Variants in ANOS1 observed in about 807,000 individuals in gnomAD.
ANOS1 encodes the protein anosmin 1.
Under a neutral mutation model 59.0 loss-of-function variants are expected in ANOS1, and 6 were observed. The ratio of observed to expected loss-of-function variants is 0.10; its 90% CI spans 0.06 to 0.20. The LOEUF is 0.20. Ranked by LOEUF, ANOS1 falls within the 10% of genes least tolerant of loss-of-function variation. The pLI is 1.00. For missense variants in ANOS1, 433 were observed against 542.3 expected (o/e 0.80, Z 2.00); for synonymous variants, 217 against 223.4 (o/e 0.97, Z 0.25).
chrX:8,687,623 C>T (rs1474385541), intron 2 of ANOS1, among the ~76,000 whole-genome samples: 1 of 109,672 alleles, frequency 9.1e-6, no homozygotes, highest in East Asian at 2.9e-4. Flanking sequence ...CACACACACA[C>T]ACACACTGAT....
At chrX:8,549,881 G>A (rs113162170) in intron 9 of ANOS1, among the ~76,000 whole-genome samples, 1,799 of 112,061 alleles carry the variant, frequency 0.016, 40 homozygotes, top group African/African-American at 0.056. Context: ...AACTTTGCAA[G>A]TAAGAAGAGT....
At chrX:8,648,115 GTAGTGGAAAACAATTTA>G (rs1385434320) in intron 2 of ANOS1, among the ~76,000 whole-genome samples, 15 of 112,031 alleles carry the variant, frequency 1.3e-4, no homozygotes, top group African/African-American at 3.9e-4. Flanking sequence ...ACTAATCTTC[GTAGTGGAAAACAATTTA>G]TATGCCTCCA....
intron 8 of ANOS1, among the ~76,000 whole-genome samples, chrX:8,559,733 CCTT>C (rs1930003934): frequency 8.9e-6 from 1 of 112,196 alleles, no homozygotes; most frequent in South Asian, 3.7e-4. Context: ...TTTCTGTCAA[CCTT>C]CTTTGCCCAT....
intron 3 of ANOS1, among the ~76,000 whole-genome samples, chrX:8,617,907 T>A (rs1323941225): frequency 3.6e-5 from 4 of 111,949 alleles, no homozygotes; most frequent in Non-Finnish European, 7.5e-5. Flanking sequence ...CATCTTTTAT[T>A]CCCTGATGAG....
intron 7 of ANOS1, among the ~76,000 whole-genome samples, chrX:8,569,558 C>G (rs942627774): frequency 6.3e-5 from 7 of 111,747 alleles, no homozygotes; most frequent in Non-Finnish European, 1.1e-4. Flanking sequence ...AGGAGAATGG[C>G]GTGAACCCGG....
chrX:8,688,275 C>A, intron 2 of ANOS1, among the ~76,000 whole-genome samples: 1 of 111,910 alleles, frequency 8.9e-6, no homozygotes, highest in Admixed American at 9.5e-5. Context: ...ATATAAGGGT[C>A]CCCAAACTTC....
At chrX:8,685,652 GA>G (rs1268823896) in intron 2 of ANOS1, among the ~76,000 whole-genome samples, 1 of 97,360 alleles carries the variant, frequency 1.0e-5, no homozygotes, top group Non-Finnish European at 2.0e-5. Context: ...AAGAAAGAAA[GA>G]AAGAAAAAGA....
intron 2 of ANOS1, among the ~76,000 whole-genome samples, chrX:8,683,779 G>A (rs748931619): frequency 4.3e-3 from 482 of 111,624 alleles, no homozygotes; most frequent in Non-Finnish European, 6.7e-3. Context: ...ATGCATGACT[G>A]ACATTATCCT....
intron 2 of ANOS1, among the ~76,000 whole-genome samples, chrX:8,633,026 T>C (rs766029156): frequency 8.1e-5 from 9 of 111,563 alleles, no homozygotes; most frequent in African/African-American, 2.9e-4. Flanking sequence ...TGGTACTGTA[T>C]AGAAATTGTT....
At chrX:8,571,966 A>G (rs1292291538) in intron 6 of ANOS1, among the ~76,000 whole-genome samples, 1 of 112,128 alleles carries the variant, frequency 8.9e-6, no homozygotes, top group East Asian at 2.8e-4. Context: ...TGATGGAAAC[A>G]TAACTTATTT....
rs1304219147 is a variant in ANOS1 at position 8,536,188 on chromosome X, C to CTTTTTTTT, written c.1622-385_1622-378dup. On this transcript the variant is annotated intron_variant, in intron 11 of 13. Coordinates refer to ENST00000262648, the MANE Select transcript of ANOS1 (RefSeq NM_000216.4). ...GTTAGAAGAGTTATTAAATCCGAAG[C>CTTTTTTTT]TTTTTTTTTTTTTTTTTTTTTTTTT... Among the ~76,000 whole-genome samples the CTTTTTTTT allele has an allele frequency of 2.7e-3, 86 of 31,891 alleles. 21 individuals are homozygous for CTTTTTTTT. Among genetic ancestry groups the CTTTTTTTT allele is most frequent in the African/African-American group, 5.1e-3 (45 of 8,891 alleles). 27.7% of individuals were successfully genotyped at this position (31,891 alleles called of 115,157 possible).
At chrX:8,578,317 T>TAAA (rs3057370) in intron 6 of ANOS1, among the ~76,000 whole-genome samples, 8 of 98,381 alleles carry the variant, frequency 8.1e-5, no homozygotes, top group African/African-American at 2.2e-4. Flanking sequence ...CCTTCTCCCT[T>TAAA]AAAAAAAAAA....
At chrX:8,731,697 C>G (rs1932978950) in intron 1 of ANOS1, 133 bp downstream of exon 1, 1 of 1,073,965 alleles carries the variant, frequency 9.3e-7, no homozygotes, top group Non-Finnish European at 1.2e-6. Flanking sequence ...AAGATCCACG[C>G]CCAGGGGAAG....
At chrX:8,671,709 A>G (rs1002077725) in intron 2 of ANOS1, among the ~76,000 whole-genome samples, 4 of 108,988 alleles carry the variant, frequency 3.7e-5, no homozygotes, top group Admixed American at 1.0e-4. Context: ...ATATAAGACC[A>G]GTATACAAGT....
At chrX:8,730,289 C>G (rs1182924034) in intron 1 of ANOS1, among the ~76,000 whole-genome samples, 2 of 112,365 alleles carry the variant, frequency 1.8e-5, no homozygotes, top group African/African-American at 6.5e-5. Flanking sequence ...GCCTGGGGAT[C>G]GGCCCTCTCC....
intron 2 of ANOS1, among the ~76,000 whole-genome samples, chrX:8,629,844 C>T: frequency 8.9e-6 from 1 of 112,308 alleles, no homozygotes; most frequent in Non-Finnish European, 1.9e-5. Context: ...TTTACATTAT[C>T]CAATAATCAA....
intron 1 of ANOS1, among the ~76,000 whole-genome samples, chrX:8,704,703 T>C (rs1401709623): frequency 8.9e-6 from 1 of 112,438 alleles, no homozygotes; most frequent in African/African-American, 3.2e-5. Context: ...GGACAGCATG[T>C]CATAGGCTGC....
chrX:8,570,682 C>A lies in ANOS1; in HGVS notation c.879G>T (p.Pro293=). ...TGGAGTTGGCCAGCCGGAGGTTAGC[C>A]GGTGCTGGTGGGGCAGATGGATCTG... The part of the protein sequence containing the change: ...SSKDPSAPPA[P]ANLRLANSTV... The change falls in exon 7 of 14, where the codon CCG becomes CCT. Residue 293 remains proline, a synonymous_variant. Transcript: ENST00000262648. 1 of 1,211,030 alleles carries A rather than the reference C, an allele frequency of 8.3e-7. No individual in the cohort carries two copies. Among genetic ancestry groups the A allele is most frequent in the South Asian group, 1.8e-5 (1 of 56,882 alleles).
intron 3 of ANOS1, among the ~76,000 whole-genome samples, chrX:8,615,698 A>T (rs1931162074): frequency 9.0e-6 from 1 of 111,219 alleles, no homozygotes; most frequent in East Asian, 2.8e-4. Context: ...AGTTCCATAG[A>T]CGCCATTTTC....
Sources: allele counts gnomAD v4.1 joint callset (sites outside exome capture counted in the v4.1 genomes callset), GRCh38; gene constraint gnomAD v4.1.1; transcripts MANE v1.5; gene names NCBI Gene and HGNC (gene_info 2026-07-23, HGNC 2026-07-21).